Variants in SLC14A2 observed in about 807,000 individuals in gnomAD.
The protein encoded by SLC14A2 is solute carrier family 14 member 2.
A neutral mutation model predicts 104.6 loss-of-function variants in SLC14A2; 91 were observed. The observed-to-expected ratio is 0.87, with a 90% CI of 0.73 to 1.04. The LOEUF is 1.04. Among genes scored for constraint, SLC14A2 ranks in the 50% least tolerant of loss-of-function variants. The pLI, the probability that SLC14A2 is intolerant of heterozygous loss-of-function variation, is 0.00. For missense variants in SLC14A2, 1,189 were observed against 1,156.0 expected, an observed-to-expected ratio of 1.03 and a Z score of -0.41; for synonymous variants, 476 against 466.4, an observed-to-expected ratio of 1.02 and a Z score of -0.27.
intron 10 of SLC14A2, chr18:45,648,006 G>T (rs1472785186): frequency 1.3e-5 from 2 of 151,836 alleles, no homozygotes; most frequent in African/African-American, 4.8e-5. Context: ...TGTATATGGG[G>T]TCTTAATTCT....
chr18:45,455,936 G>A (rs887768504), intron 1 of SLC14A2, among the ~76,000 whole-genome samples: 4 of 152,168 alleles, frequency 2.6e-5, no homozygotes, highest in Non-Finnish European at 5.9e-5. Context: ...TGGTAAGGGG[G>A]CTTTGAGCAC....
the SLC14A2 span, among the ~76,000 whole-genome samples, chr18:45,173,311 A>G: frequency 0.18 from 27,144 of 152,086 alleles, 2,816 homozygotes; most frequent in Middle Eastern, 0.27. Flanking sequence ...AGCAATGACA[A>G]TAACAACATG....
chr18:45,669,214 C>T, intron 15 of SLC14A2, 92 bp from the exon 16 acceptor site: 2 of 1,071,896 alleles, frequency 1.9e-6, no homozygotes, highest in Non-Finnish European at 2.7e-6. Context: ...CTGCTTTTCT[C>T]TAGGAAGGCA....
intron 2 of SLC14A2, among the ~76,000 whole-genome samples, chr18:45,537,041 CCCTCCCTCCCTCCCTCCCTCCCTCCCTT>C (rs1391042058): frequency 3.9e-5 from 4 of 103,006 alleles, no homozygotes; most frequent in African/African-American, 1.6e-4. Context: ...CTCCCTCCCT[CCCTCCCTCCCTCCCTCCCTCCCTCCCTT>C]CCTTCCTTCC....
upstream of SLC14A2, chr18:45,615,019 A>T (rs892524417): frequency 6.6e-6 from 1 of 152,018 alleles, no homozygotes; most frequent in Non-Finnish European, 1.5e-5. Flanking sequence ...CTGGTCTCGA[A>T]CTTCTGACGT....
At chr18:45,670,550 C>G (rs943109788) in intron 16 of SLC14A2, among the ~76,000 whole-genome samples, 12 of 152,158 alleles carry the variant, frequency 7.9e-5, no homozygotes, top group South Asian at 4.1e-4. Flanking sequence ...AATAATGATG[C>G]CTCGTTTCTC....
intron 1 of SLC14A2, among the ~76,000 whole-genome samples, chr18:45,617,946 A>C (rs2045099799): frequency 6.6e-6 from 1 of 152,160 alleles, no homozygotes; most frequent in Admixed American, 6.5e-5. Context: ...TGCCCTAGAA[A>C]AATGAAGGCT....
At chr18:45,412,847 C>T (rs1305063853) in intron 1 of SLC14A2, among the ~76,000 whole-genome samples, 1 of 152,090 alleles carries the variant, frequency 6.6e-6, no homozygotes, top group Non-Finnish European at 1.5e-5. Flanking sequence ...GTGGAGGTGA[C>T]AGGGTGGAAG....
At chr18:45,531,474 G>GT (rs1277960670) in intron 2 of SLC14A2, among the ~76,000 whole-genome samples, 2 of 152,192 alleles carry the variant, frequency 1.3e-5, no homozygotes, top group Non-Finnish European at 2.9e-5. Context: ...TTTTTCATGT[G>GT]TTTTTTGGCT....
intron 4 of SLC14A2, among the ~76,000 whole-genome samples, chr18:45,630,346 A>T (rs1244865607): frequency 6.6e-6 from 1 of 152,198 alleles, no homozygotes; most frequent in Admixed American, 6.5e-5. Flanking sequence ...TATTCTAAGC[A>T]TGACCTCCAT....
intron 1 of SLC14A2, among the ~76,000 whole-genome samples, chr18:45,475,679 A>AG (rs2087364011): frequency 1.5e-5 from 1 of 68,430 alleles, no homozygotes; most frequent in Admixed American, 1.5e-4. Context: ...ATATATATAT[A>AG]TATATATATG....
chr18:45,293,393 T>C (rs1002926502), intron 1 of SLC14A2, among the ~76,000 whole-genome samples: 5 of 152,138 alleles, frequency 3.3e-5, no homozygotes, highest in Non-Finnish European at 7.4e-5. Flanking sequence ...CTTGTCTTCA[T>C]GAAGTTCAAT....
chr18:45,226,979 G>A (rs1451169300), intron 1 of SLC14A2, among the ~76,000 whole-genome samples: 1 of 152,072 alleles, frequency 6.6e-6, no homozygotes, highest in Non-Finnish European at 1.5e-5. Flanking sequence ...TTTTGCTCAT[G>A]CTCAGCACCT....
chr18:45,279,200 A>T (rs1250604523), intron 1 of SLC14A2, among the ~76,000 whole-genome samples: 1 of 152,232 alleles, frequency 6.6e-6, no homozygotes, highest in African/African-American at 2.4e-5. Flanking sequence ...GAACATGCCG[A>T]CAGCAGTAAC....
chr18:45,288,618 G>A (rs1568136685), intron 1 of SLC14A2, among the ~76,000 whole-genome samples: 1 of 152,166 alleles, frequency 6.6e-6, no homozygotes, highest in Non-Finnish European at 1.5e-5. Context: ...GAAGATTCAG[G>A]AGGCTAAAAC....
chr18:45,602,195 T>C (rs2044800733), intron 2 of SLC14A2, among the ~76,000 whole-genome samples: 1 of 152,208 alleles, frequency 6.6e-6, no homozygotes, highest in Non-Finnish European at 1.5e-5. Context: ...AAGGAGATAG[T>C]GTGTGTGAAG....
chr18:45,587,492 AG>A (rs1434809768), intron 2 of SLC14A2, among the ~76,000 whole-genome samples: 2 of 152,208 alleles, frequency 1.3e-5, no homozygotes, highest in East Asian at 1.9e-4. Context: ...ATGAACCTAA[AG>A]GTAGTTTCCC....
At chr18:45,411,755 A>C (rs1480283466) in intron 1 of SLC14A2, among the ~76,000 whole-genome samples, 3 of 152,152 alleles carry the variant, frequency 2.0e-5, no homozygotes, top group African/African-American at 7.2e-5. Flanking sequence ...AGCCACCAGA[A>C]GATGAGATGC....
At chr18:45,515,987 A>C (rs1472159867) in intron 2 of SLC14A2, among the ~76,000 whole-genome samples, 1 of 152,218 alleles carries the variant, frequency 6.6e-6, no homozygotes, top group Non-Finnish European at 1.5e-5. Flanking sequence ...GATAGTGTGA[A>C]GTTTTAGTAT....
Sources: gnomAD v4.1 joint callset for allele counts (sites outside exome capture counted in the v4.1 genomes callset) on GRCh38, gnomAD v4.1.1 for gene constraint, MANE v1.5 for transcripts, NCBI Gene and HGNC (gene_info 2026-07-23, HGNC 2026-07-21) for gene names.